The following PRSS57 variants were observed in gnomAD, a reference collection of about 807,000 sequenced individuals.
The protein encoded by PRSS57 is serine protease 57, also known as neutrophil serine protease 4.
A neutral mutation model predicts 20.6 loss-of-function variants in PRSS57; 19 were observed. That is an observed-to-expected ratio of 0.92 (90% confidence interval 0.64 to 1.35). PRSS57 has a LOEUF of 1.35. PRSS57 is among the 40% of genes most tolerant of loss of function. The pLI, the probability that PRSS57 is intolerant of heterozygous loss-of-function variation, is 0.00. For missense variants in PRSS57, 440 were observed against 403.7 expected, an observed-to-expected ratio of 1.09 and a Z score of -0.77; for synonymous variants, 203 against 176.6, an observed-to-expected ratio of 1.15 and a Z score of -1.19.
chr19:692,754 T>C (rs1024267845), intron 2 of PRSS57, among the ~76,000 whole-genome samples: 21 of 151,848 alleles, frequency 1.4e-4, no homozygotes, highest in Non-Finnish European at 2.5e-4. Flanking sequence ...AATAATTATG[T>C]TTATTATTTT....
At position 695,402 on chromosome 19, in the gene PRSS57, C is replaced by T. The variant is rs143952833; in HGVS notation, c.29G>A (p.Arg10His). ...GGCGGTGGCCACAGTCAGCAGAGGA[C>T]GTCCCCAGCCCCTCAACCCGAGCCC... MGLGLRGWG[R>H]PLLTVATALM... Residue 10 changes from arginine (R) to histidine (H), a missense_variant, in exon 1 of 5, where the codon CGT becomes CAT. By Grantham distance (29) the Arg-to-His change is conservative (BLOSUM62 0). Coordinates refer to ENST00000329267, the MANE Select transcript of PRSS57 (RefSeq NM_001308209.2). 12 of 1,277,250 alleles carry T rather than the reference C, an allele frequency of 9.4e-6. No individual in the cohort carries two copies. In the African/African-American group the frequency reaches 1.2e-4, roughly 13 times the overall value. The allele number at this position is 1,277,250 out of a possible 1,614,324, so 79.1% of individuals were successfully genotyped here. A position where few individuals can be genotyped will look rare whatever the true frequency, so the allele number is the denominator to read the frequency against.
At chr19:693,683 C>G (rs2031712764) in intron 2 of PRSS57, among the ~76,000 whole-genome samples, 1 of 152,078 alleles carries the variant, frequency 6.6e-6, no homozygotes, top group African/African-American at 2.4e-5. Flanking sequence ...ATTCTCCTAC[C>G]TCAGCCTCCC....
chr19:688,602 C>CTTTGTTTTTTTTTTTTTTT (rs2031542884), intron 3 of PRSS57, among the ~76,000 whole-genome samples: 1 of 110,208 alleles, frequency 9.1e-6, no homozygotes, highest in Non-Finnish European at 1.8e-5. Context: ...CACCCAGGGA[C>CTTTGTTTTTTTTTTTTTTT]TTTTTTTTTT....
chr19:687,292 C>G, intron 3 of PRSS57, 104 bp from the exon 4 acceptor site: 1 of 1,322,416 alleles, frequency 7.6e-7, no homozygotes, highest in South Asian at 1.6e-5. Flanking sequence ...GAAGCAAAAT[C>G]AATGGCGGCC....
At position 691,903 on chromosome 19, in the gene PRSS57, G is replaced by C; in HGVS notation, c.333C>G (p.Pro111=). ...TGGCGTGGGTCATGGGGTGGTAGTCGGGGTGTGTGGTGAGAGCATCGATGC... is the reference window on the plus strand; with the variant it reads ...TGGCGTGGGTCATGGGGTGGTAGTCCGGGTGTGTGGTGAGAGCATCGATGC... The part of the protein sequence containing the change: ...VFGIDALTTH[P]DYHPMTHAND... The change falls in exon 3 of 5, where the codon CCC becomes CCG. Residue 111 remains proline (P), a synonymous_variant. Transcript: ENST00000329267. The C allele has an allele frequency of 7.5e-7, 1 of 1,340,298 alleles. No individual in the cohort carries two copies. Among genetic ancestry groups the C allele is most frequent in the Non-Finnish European group, 9.7e-7 (1 of 1,036,218 alleles). 83.0% of individuals were successfully genotyped at this position (1,340,298 alleles called of 1,614,324 possible). A position where few individuals can be genotyped will look rare whatever the true frequency, so the allele number is the denominator to read the frequency against.
At chr19:695,034 C>T in intron 1 of PRSS57, 67 bp from the exon 2 acceptor site, 2 of 1,410,434 alleles carry the variant, frequency 1.4e-6, no homozygotes, top group Middle Eastern at 2.4e-4. Context: ...GGGGTCAGGG[C>T]AGGGGGAGAA....
intron 3 of PRSS57, among the ~76,000 whole-genome samples, chr19:688,983 G>A (rs1055908512): frequency 5.3e-5 from 8 of 152,278 alleles, no homozygotes; most frequent in East Asian, 3.9e-4. Flanking sequence ...AACTTTGAGC[G>A]CCTGCTGTGT....
At position 695,352 on chromosome 19, in the gene PRSS57, C is replaced by T. The variant is rs374824335; in HGVS notation, c.79G>A (p.Gly27Ser). ...GTGGGGATCCCGGGGGGCTCCTCAC[C>T]GGGGGGCTTCACGGGCAGCATCAGG... ...TALMLPVKPP[G>S]SWGAQIIGGH... Residue 27 changes from glycine to serine, a missense_variant and splice_region_variant, in exon 1 of 5, where the codon GGC (glycine) becomes AGC (serine). Gly to Ser is a moderately conservative substitution (Grantham distance 56). Transcript: ENST00000329267. 117 of 1,269,640 alleles carry T rather than the reference C, an allele frequency of 9.2e-5. No individual in the cohort carries two copies. The African/African-American group carries it at 1.0e-3, about 11-fold the overall frequency. The allele number at this position is 1,269,640 out of a possible 1,614,324, so 78.6% of individuals were successfully genotyped here.
At chr19:692,701 G>A (rs544444801) in intron 2 of PRSS57, among the ~76,000 whole-genome samples, 7 of 151,736 alleles carry the variant, frequency 4.6e-5, no homozygotes, top group Non-Finnish European at 8.8e-5. Flanking sequence ...ACAGGCGTGA[G>A]CCACGGTGCC....
intron 3 of PRSS57, chr19:690,987 G>T: frequency 2.4e-6 from 1 of 419,208 alleles, no homozygotes; most frequent in East Asian, 6.0e-5. Context: ...CCTTAGCCAG[G>T]GGCTGCACTG....
intron 3 of PRSS57, chr19:691,113 T>C (rs2031632182): frequency 1.3e-5 from 3 of 227,396 alleles, no homozygotes; most frequent in Admixed American, 9.7e-5. Context: ...ACTGGCCATC[T>C]TGTGAAGACT....
At position 691,975 on chromosome 19, in the gene PRSS57, C is replaced by A. The variant is rs771381215; in HGVS notation, c.261G>T (p.Leu87=). The change falls in exon 3 of 5, where the codon CTG becomes CTT. Residue 87 remains leucine (L), a synonymous_variant. Transcript: ENST00000329267. ...HRDLRTGLVV[L]GAHVLSTAEP... ...CCGCAGTACTCAGGACGTGGGCGCC[C>A]AGCACCACCAGGCCAGTGCGGAGGT... is the stretch of plus-strand genomic sequence containing the variant. 5 of 1,326,556 alleles carry A rather than the reference C, an allele frequency of 3.8e-6. No individual in the cohort carries two copies. In the East Asian group the frequency reaches 1.4e-4, roughly 37 times the overall value. 82.2% of individuals were successfully genotyped at this position (1,326,556 alleles called of 1,614,324 possible). A position where few individuals can be genotyped will look rare whatever the true frequency, so the allele number is the denominator to read the frequency against.
At chr19:690,135 A>ACC (rs2031600503) in intron 3 of PRSS57, among the ~76,000 whole-genome samples, 1 of 150,178 alleles carries the variant, frequency 6.7e-6, no homozygotes, top group African/African-American at 2.5e-5. Flanking sequence ...ACATGGTGAA[A>ACC]CCCCATCTCT....
rs1171032187 is a variant in PRSS57, at chr19:693,229, C to CTTTTTTTTTT, written c.234-1228_234-1227insAAAAAAAAAA. On this transcript the variant is annotated intron_variant, in intron 2 of 4. Coordinates refer to ENST00000329267, the MANE Select transcript of PRSS57 (RefSeq NM_001308209.2). ...TACAGGCGTGAGCCACCGCACCCGG[C>CTTTTTTTTTT]CTTTTTTTTTTTTTTTTTTTTGAGA... is the stretch of plus-strand genomic sequence containing the variant. Among the ~76,000 whole-genome samples, 25 of 109,128 alleles carry CTTTTTTTTTT rather than the reference C, an allele frequency of 2.3e-4. 11 individuals carry two copies. Among genetic ancestry groups the CTTTTTTTTTT allele is most frequent in the Admixed American group, 4.1e-4 (4 of 9,806 alleles). 71.6% of individuals were successfully genotyped at this position (109,128 alleles called of 152,430 possible).
At chr19:688,596 C>T (rs2031541972) in intron 3 of PRSS57, among the ~76,000 whole-genome samples, 1 of 117,014 alleles carries the variant, frequency 8.5e-6, no homozygotes, top group Admixed American at 7.9e-5. Context: ...GGACTCCACC[C>T]AGGGACTTTT....
rs751915330 is a variant in PRSS57 at position 687,122 on chromosome 19, G to A, written c.445C>T (p.Pro149Ser). ...LLRPPGRRAR[P>S]PTAGTRCRVA... ...CGGCACCGTGTCCCCGCTGTGGGGG[G>A]CCTGGCCCTTCTCCCTGGCGGCCTC... Residue 149 changes from proline (P) to serine (S), a missense_variant, in exon 4 of 5, where the codon CCC becomes TCC. By Grantham distance (74) the Pro-to-Ser change is moderately conservative. Coordinates refer to ENST00000329267, the MANE Select transcript of PRSS57 (RefSeq NM_001308209.2). 3 of 1,610,622 alleles carry A rather than the reference G, an allele frequency of 1.9e-6. No individual in the cohort carries two copies. Among genetic ancestry groups the A allele is most frequent in the South Asian group, 2.2e-5 (2 of 90,796 alleles).
At chr19:685,992 C>T in intron 4 of PRSS57, 70 bp from the exon 5 acceptor site, 1 of 1,333,862 alleles carries the variant, frequency 7.5e-7, no homozygotes, top group Non-Finnish European at 1.0e-6. Context: ...CACGGCCCTC[C>T]CTGCCTCAGA....
intron 3 of PRSS57, among the ~76,000 whole-genome samples, chr19:689,440 G>A (rs66667242): frequency 0.24 from 35,847 of 151,948 alleles, 4,583 homozygotes; most frequent in East Asian, 0.33. Flanking sequence ...TGCAGAGCTC[G>A]GAGCGGAGAC....
chr19:695,279 G>T lies in PRSS57; in HGVS notation c.79+73C>A, dbSNP rs552973171. On this transcript the variant is annotated intron_variant, in intron 1 of 4. Transcript: ENST00000329267. ...CTCTCCCCAGGGTTCTCCCGGGACT[G>T]GGGGTTCCCGGGTGTGGCCCCCGTA... 3.3e-3 allele frequency: 2,351 copies of T among 703,236 alleles called. 10 individuals are homozygous for T. The highest frequency in any genetic ancestry group is 6.8e-3 in the Middle Eastern group (15 of 2,198). The allele number at this position is 703,236 out of a possible 1,614,324, so 43.6% of individuals were successfully genotyped here.
Sources: allele counts gnomAD v4.1 joint callset (sites outside exome capture counted in the v4.1 genomes callset), GRCh38; gene constraint gnomAD v4.1.1; transcripts MANE v1.5; gene names NCBI Gene and HGNC (gene_info 2026-07-23, HGNC 2026-07-21).